The following PIEZO2 variants were observed in gnomAD, a reference collection of about 807,000 sequenced individuals.
PIEZO2 encodes the protein piezo-type mechanosensitive ion channel component 2.
PIEZO2 carries 172 observed loss-of-function variants against 337.3 expected under a neutral mutation model. That is an observed-to-expected ratio of 0.51 (90% CI 0.45 to 0.58). PIEZO2 has a LOEUF of 0.58. PIEZO2 is among the 20% of genes least tolerant of loss of function. The pLI is 0.00. For synonymous variants in PIEZO2, 1,251 were observed against 1,228.5 expected, an observed-to-expected ratio of 1.02 and a Z score of -0.38; for missense variants, 3,028 against 3,391.3, an observed-to-expected ratio of 0.89 and a Z score of 2.66.
intron 1 of PIEZO2, among the ~76,000 whole-genome samples, chr18:11,075,110 A>C (rs2038484028): frequency 6.6e-6 from 1 of 152,254 alleles, no homozygotes; most frequent in African/African-American, 2.4e-5. Flanking sequence ...AGCAGTAGAT[A>C]GGTAAACATT....
At chr18:11,065,116 A>G (rs986760285) in intron 2 of PIEZO2, among the ~76,000 whole-genome samples, 1 of 152,252 alleles carries the variant, frequency 6.6e-6, no homozygotes, top group Non-Finnish European at 1.5e-5. Flanking sequence ...CATAACTACT[A>G]TGATGAATGA....
chr18:10,786,660 T>A (rs961829577), intron 16 of PIEZO2, among the ~76,000 whole-genome samples: 1 of 152,230 alleles, frequency 6.6e-6, no homozygotes, highest in Admixed American at 6.5e-5. Flanking sequence ...CCTTAGAATC[T>A]AAGCACCCAG....
chr18:10,720,363 CTGTGTGTG>C (rs58927900), intron 36 of PIEZO2, among the ~76,000 whole-genome samples: 4,079 of 56,256 alleles, frequency 0.073, 279 homozygotes, highest in Middle Eastern at 0.083. Flanking sequence ...TATATATATT[CTGTGTGTG>C]TGTGTGTGTG....
In PIEZO2 at chr18:10,982,980, C is replaced by G. The variant is rs553659019; in HGVS notation, c.161-3320G>C. On this transcript the variant is annotated intron_variant, in intron 2 of 55. Coordinates refer to ENST00000674853, the MANE Select transcript of PIEZO2 (RefSeq NM_001378183.1). The surrounding 1 kb of genome is among the most constrained non-coding windows in gnomAD (Gnocchi z 4.1). ...AAGAGATCCGCCTGCCCCAGCCTCC[C>G]AAAGTGCTGGGATTACAGGAATGAG... Among the ~76,000 whole-genome samples, 3 of 152,220 alleles carry G rather than the reference C, an allele frequency of 2.0e-5. No homozygotes were observed. In the South Asian group the frequency reaches 6.2e-4, roughly 32 times the overall value.
At chr18:10,705,989 G>A (rs185055410) in intron 40 of PIEZO2, among the ~76,000 whole-genome samples, 8 of 152,252 alleles carry the variant, frequency 5.3e-5, no homozygotes, top group African/African-American at 1.9e-4. Context: ...CCAGTCACGT[G>A]GCTCTCAAAG....
At chr18:10,691,798 T>TAG (rs1567953224) in intron 47 of PIEZO2, among the ~76,000 whole-genome samples, 1 of 74,000 alleles carries the variant, frequency 1.4e-5, no homozygotes, top group Non-Finnish European at 2.8e-5. Context: ...TATATATATA[T>TAG]ATAGAGAGAG....
In PIEZO2 at chr18:10,857,325, G is replaced by A; in HGVS notation, c.493-114C>T. 2.3e-5 allele frequency: 20 copies of A among 864,236 alleles called. No homozygotes were observed. The Admixed American group carries it at 3.5e-4, about 15-fold the overall frequency. 53.5% of individuals were successfully genotyped at this position (864,236 alleles called of 1,614,324 possible). A position where few individuals can be genotyped will look rare whatever the true frequency, so the allele number is the denominator to read the frequency against. ...CAACGTGGTGAATTTCACAGATCAG[G>A]AAAAAAGGGAAGACAACCAGTTCAT... On this transcript the variant is annotated intron_variant, in intron 5 of 55. Coordinates refer to ENST00000674853, the MANE Select transcript of PIEZO2 (RefSeq NM_001378183.1).
chr18:11,024,129 C>A (rs865941665), intron 2 of PIEZO2, among the ~76,000 whole-genome samples: 2 of 152,334 alleles, frequency 1.3e-5, no homozygotes, highest in Admixed American at 1.3e-4. Context: ...TCCTCAAGCG[C>A]GGCCTGAGTG....
chr18:10,905,581 C>CAAA (rs11318022), intron 4 of PIEZO2, among the ~76,000 whole-genome samples: 1 of 127,962 alleles, frequency 7.8e-6, no homozygotes, highest in East Asian at 2.3e-4. Context: ...GAAACTGTTT[C>CAAA]AAAAAAAAAA....
rs2041040835 is a variant in PIEZO2 at position 10,837,159 on chromosome 18, A to G, written c.917+18194T>C. Among the ~76,000 whole-genome samples, 2 of 152,298 alleles carry G rather than the reference A, an allele frequency of 1.3e-5. No individual in the cohort carries two copies. Among genetic ancestry groups the G allele is most frequent in the Middle Eastern group, 6.8e-3 (2 of 294 alleles). On this transcript the variant is annotated intron_variant, in intron 7 of 55. Coordinates refer to ENST00000674853, the MANE Select transcript of PIEZO2 (RefSeq NM_001378183.1). This position sits in a 1 kb window ranked among gnomAD's most constrained non-coding sequence, Gnocchi z 4.4. The stretch of plus-strand genomic sequence containing the variant: ...CCAAGAAGCATGTGAGGAGGAGGGG[A>G]TGGTGTGCACTCCTGTTGTGGACGG...
rs1306409210 is a variant in PIEZO2 at position 10,748,781 on chromosome 18, G to A, written c.4265-151C>T. ...TACTTATGAGTTGATTTATTTACAA[G>A]GAGATCACACACTTCCAATCCAATA... On this transcript the variant is annotated intron_variant, in intron 29 of 55. Coordinates refer to ENST00000674853, the MANE Select transcript of PIEZO2 (RefSeq NM_001378183.1). This position sits in a 1 kb window ranked among gnomAD's most constrained non-coding sequence, Gnocchi z 5.1. Among the ~76,000 whole-genome samples, 1 of 152,142 alleles carries A rather than the reference G, an allele frequency of 6.6e-6. No homozygotes were observed. Among genetic ancestry groups the A allele is most frequent in the Non-Finnish European group, 1.5e-5 (1 of 68,030 alleles).
At chr18:10,867,173 A>G (rs978234300) in intron 5 of PIEZO2, among the ~76,000 whole-genome samples, 2 of 152,246 alleles carry the variant, frequency 1.3e-5, no homozygotes, top group Non-Finnish European at 2.9e-5. Flanking sequence ...GTGTACTTGA[A>G]GAAATGGGAT....
At position 10,770,299 on chromosome 18, in the gene PIEZO2, T is replaced by C; in HGVS notation, c.2795A>G (p.Asn932Ser). 1 of 1,537,200 alleles carries C rather than the reference T, an allele frequency of 6.5e-7. No individual in the cohort carries two copies. Among genetic ancestry groups the C allele is most frequent in the African/African-American group, 1.4e-5 (1 of 73,136 alleles). ...GCGGTCAATCACCAGGTGCCATTTG[T>C]TCCTTAAGTCTGCAAAATAGGAAGT... Reference protein sequence around the residue: ...EEEEETSDLRNKWHLVIDRLT... With the variant: ...EEEEETSDLRSKWHLVIDRLT... The change falls in exon 21 of 56, where the codon AAC becomes AGC. Residue 932 changes from asparagine (N) to serine (S), a missense_variant. Asn to Ser is a conservative substitution (Grantham distance 46). Coordinates refer to ENST00000674853, the MANE Select transcript of PIEZO2 (RefSeq NM_001378183.1).
intron 32 of PIEZO2, among the ~76,000 whole-genome samples, 188 bp downstream of exon 32, chr18:10,742,302 GATTT>G (rs1236012394): frequency 2.0e-5 from 3 of 152,184 alleles, no homozygotes; most frequent in African/African-American, 7.2e-5. Flanking sequence ...TAAACTAATT[GATTT>G]ATCAAATACA....
intron 7 of PIEZO2, among the ~76,000 whole-genome samples, chr18:10,845,100 A>C (rs1429884654): frequency 1.3e-5 from 2 of 152,266 alleles, no homozygotes; most frequent in East Asian, 1.9e-4. Context: ...TATAGTTCTT[A>C]ATACATACCA....
intron 7 of PIEZO2, among the ~76,000 whole-genome samples, chr18:10,814,417 A>G (rs1286408555): frequency 4.6e-5 from 7 of 152,200 alleles, no homozygotes. Context: ...TCTAGAGGAA[A>G]TGTATTTTAA....
At position 10,671,504 on chromosome 18, in the gene PIEZO2, T is replaced by C; in HGVS notation, c.*23A>G. 6.3e-7 allele frequency: 1 copy of C among 1,589,934 alleles called. No homozygotes were observed. The highest frequency in any genetic ancestry group is 1.8e-5 in the Admixed American group (1 of 56,116). On this transcript the variant is annotated 3_prime_UTR_variant, in exon 56 of 56. Coordinates refer to ENST00000674853, the MANE Select transcript of PIEZO2 (RefSeq NM_001378183.1). ...AAAAAAAATTCAAATGTTAACATTATTTGCAGTCTGTGTTCTAAGGTTTCA... is the reference window on the plus strand; with the variant it reads ...AAAAAAAATTCAAATGTTAACATTACTTGCAGTCTGTGTTCTAAGGTTTCA...
chr18:11,052,477 A>G (rs1268334665), intron 2 of PIEZO2, among the ~76,000 whole-genome samples: 1 of 152,216 alleles, frequency 6.6e-6, no homozygotes, highest in Non-Finnish European at 1.5e-5. Context: ...CACATTCATG[A>G]TAAGGAGTCA....
chr18:10,701,874 A>C, intron 43 of PIEZO2, 115 bp downstream of exon 43: 2 of 803,206 alleles, frequency 2.5e-6, no homozygotes, highest in Non-Finnish European at 3.6e-6. Flanking sequence ...GATACCACTC[A>C]CTGGCCCCTC....
Sources: gnomAD v4.1 joint callset for allele counts (sites outside exome capture counted in the v4.1 genomes callset) on GRCh38, gnomAD v4.1.1 for gene constraint, Gnocchi (gnomAD v3.1) non-coding constraint, MANE v1.5 for transcripts, NCBI Gene and HGNC (gene_info 2026-07-23, HGNC 2026-07-21) for gene names.